PTPRN2: variants seen among roughly 807,000 people sequenced by gnomAD.
The protein encoded by PTPRN2 is receptor-type tyrosine-protein phosphatase N2.
In PTPRN2, 74 loss-of-function variants were observed where a neutral mutation model predicts 118.8. That is an observed-to-expected ratio of 0.62 (90% CI 0.52 to 0.76). The LOEUF (loss-of-function observed/expected upper bound fraction) is 0.76. Ranked by LOEUF, PTPRN2 falls within the 30% of genes least tolerant of loss-of-function variation. The probability of loss-of-function intolerance (pLI) is 0.00; values close to 1 mark genes in which losing one functional copy is unlikely to be tolerated. For missense variants in PTPRN2, 1,481 were observed against 1,394.4 expected, an observed-to-expected ratio of 1.06 and a Z score of -0.99; for synonymous variants, 641 against 608.0, an observed-to-expected ratio of 1.05 and a Z score of -0.80.
rs910229775 is a variant in PTPRN2, at chr7:157,610,315, G to A, written c.2345-6240C>T. On this transcript the variant is annotated intron_variant, in intron 15 of 22. Coordinates refer to ENST00000389418, the MANE Select transcript of PTPRN2 (RefSeq NM_002847.5). This position sits in a 1 kb window ranked among gnomAD's most constrained non-coding sequence, Gnocchi z 5.1. The stretch of plus-strand genomic sequence containing the variant: ...CTCAGGGGTCTCAGGTGTTCTCTCG[G>A]GCTCTCCAACTGCCTCTGCTTTCTG... 1.6e-4 allele frequency among the ~76,000 whole-genome samples: 24 copies of A among 152,176 alleles called. No individual in the cohort carries two copies. Among genetic ancestry groups the A allele is most frequent in the African/African-American group, 5.8e-4 (24 of 41,434 alleles).
intron 11 of PTPRN2, among the ~76,000 whole-genome samples, chr7:157,942,527 C>G (rs966331115): frequency 6.6e-6 from 1 of 152,032 alleles, no homozygotes; most frequent in Non-Finnish European, 1.5e-5. Flanking sequence ...CAAATGAGTT[C>G]TTTTTCAGAT....
At chr7:157,568,857 A>AT in intron 21 of PTPRN2, 45 bp downstream of exon 21, 1 of 1,520,910 alleles carries the variant, frequency 6.6e-7, no homozygotes, top group Non-Finnish European at 9.1e-7. Context: ...TAGCGACGCC[A>AT]TCCCAGCTCT....
At chr7:157,760,150 C>T (rs1207375981) in intron 12 of PTPRN2, among the ~76,000 whole-genome samples, 1 of 152,174 alleles carries the variant, frequency 6.6e-6, no homozygotes, top group African/African-American at 2.4e-5. Context: ...CCCCACATCA[C>T]CCACTGAATC....
At chr7:158,212,470 G>T (rs1263047592) in intron 3 of PTPRN2, among the ~76,000 whole-genome samples, 1 of 152,096 alleles carries the variant, frequency 6.6e-6, no homozygotes, top group Non-Finnish European at 1.5e-5. Context: ...TGCATTGTAT[G>T]CCTGTATCAA....
At chr7:157,774,064 G>C (rs1230942321) in intron 12 of PTPRN2, among the ~76,000 whole-genome samples, 1 of 152,244 alleles carries the variant, frequency 6.6e-6, no homozygotes, top group Non-Finnish European at 1.5e-5. Flanking sequence ...AGCCTAGAAT[G>C]AGGTTAGTAT....
chr7:158,186,102 A>G (rs1449419283), intron 5 of PTPRN2, among the ~76,000 whole-genome samples: 1 of 152,188 alleles, frequency 6.6e-6, no homozygotes, highest in Non-Finnish European at 1.5e-5. Context: ...CTCGCTTTGC[A>G]CAGCCTGTCT....
At chr7:158,229,030 C>T (rs188362600) in intron 3 of PTPRN2, among the ~76,000 whole-genome samples, 1 of 152,098 alleles carries the variant, frequency 6.6e-6, no homozygotes, top group Non-Finnish European at 1.5e-5. Context: ...CCCCTCAGCA[C>T]GAGGCCCCAG....
intron 11 of PTPRN2, among the ~76,000 whole-genome samples, chr7:158,065,915 GT>G (rs139595713): frequency 0.013 from 1,988 of 152,298 alleles, 27 homozygotes; most frequent in East Asian, 0.076. Context: ...TGAAGAAAAT[GT>G]TTTTAAAAGG....
At chr7:158,047,937 C>T (rs995811708) in intron 11 of PTPRN2, among the ~76,000 whole-genome samples, 3 of 152,086 alleles carry the variant, frequency 2.0e-5, no homozygotes, top group Non-Finnish European at 2.9e-5. Flanking sequence ...GTAGGAGTAC[C>T]GAGCACATGG....
chr7:157,572,613 CCT>C (rs775780468), intron 19 of PTPRN2, among the ~76,000 whole-genome samples: 1 of 152,216 alleles, frequency 6.6e-6, no homozygotes, highest in African/African-American at 2.4e-5. Context: ...GCTTTCTCCT[CCT>C]CTCTTCCTAT....
At position 157,611,258 on chromosome 7, in the gene PTPRN2, G is replaced by A. The variant is rs191843180; in HGVS notation, c.2345-7183C>T. On this transcript the variant is annotated intron_variant, in intron 15 of 22. Transcript: ENST00000389418. This position sits in a 1 kb window ranked among gnomAD's most constrained non-coding sequence, Gnocchi z 5.9. ...CAGAAAGTCGCCCCCCAATGGGATC[G>A]GAAGCATGTTGGGCAGGTGACCTGG... Among the ~76,000 whole-genome samples the A allele has an allele frequency of 1.6e-4, 24 of 152,246 alleles. No homozygotes were observed. The highest frequency in any genetic ancestry group is 4.6e-4 in the African/African-American group (19 of 41,570).
At chr7:158,334,490 C>A (rs1269218508) in intron 2 of PTPRN2, among the ~76,000 whole-genome samples, 1 of 101,700 alleles carries the variant, frequency 9.8e-6, no homozygotes, top group Admixed American at 1.0e-4. Context: ...CCACACACGT[C>A]ACTCACACCC....
chr7:157,688,576 G>A (rs1797308038), intron 12 of PTPRN2, among the ~76,000 whole-genome samples: 1 of 152,222 alleles, frequency 6.6e-6, no homozygotes, highest in South Asian at 2.1e-4. Flanking sequence ...CTGGTCCCCA[G>A]GCCTGCCTGG....
chr7:158,404,148 G>A (rs554749860), intron 2 of PTPRN2, among the ~76,000 whole-genome samples: 4 of 152,242 alleles, frequency 2.6e-5, no homozygotes, highest in South Asian at 2.1e-4. Context: ...TACAAACATC[G>A]CTTAATCAGG....
At position 158,407,169 on chromosome 7, in the gene PTPRN2, CTG is replaced by C. The variant is rs1219769777; in HGVS notation, c.163+82564_163+82565del. Among the ~76,000 whole-genome samples, 131 of 87,370 alleles carry C rather than the reference CTG, an allele frequency of 1.5e-3. 8 individuals are homozygous for C. Among genetic ancestry groups the C allele is most frequent in the Middle Eastern group, 5.7e-3 (1 of 174 alleles). The allele number at this position is 87,370 out of a possible 152,430, so 57.3% of individuals were successfully genotyped here. ...CGTCCTGGGTCCTGGGTCCTGGGTC[CTG>C]CGTCCTGCGTCCTGGGTCCTGGGTC... is the stretch of plus-strand genomic sequence containing the variant. On this transcript the variant is annotated intron_variant, in intron 2 of 22. Coordinates refer to ENST00000389418, the MANE Select transcript of PTPRN2 (RefSeq NM_002847.5).
chr7:157,631,877 G>A (rs1803984588), intron 14 of PTPRN2, among the ~76,000 whole-genome samples: 1 of 151,160 alleles, frequency 6.6e-6, no homozygotes, highest in South Asian at 2.1e-4. Context: ...CTTCAGATAA[G>A]GCTGTCAAGA....
At chr7:157,851,459 AT>A (rs1809269667) in intron 12 of PTPRN2, among the ~76,000 whole-genome samples, 1 of 152,188 alleles carries the variant, frequency 6.6e-6, no homozygotes, top group Admixed American at 6.5e-5. Flanking sequence ...CTCCTGGTGC[AT>A]GGAACAGCGA....
At chr7:158,122,660 A>T (rs1411185867) in intron 9 of PTPRN2, among the ~76,000 whole-genome samples, 1 of 152,244 alleles carries the variant, frequency 6.6e-6, no homozygotes, top group East Asian at 1.9e-4. Flanking sequence ...CCCCTGAGGA[A>T]CACACTATTA....
In PTPRN2 at chr7:158,110,956, C is replaced by A. The variant is rs370757496; in HGVS notation, c.1557-41G>T. ...GGGATGGGGAGCAGTCACCACAGAG[C>A]CAGCAGTCCTGGAGAACTAAAGCCC... is the stretch of plus-strand genomic sequence containing the variant. On this transcript the variant is annotated intron_variant, in intron 9 of 22. Transcript: ENST00000389418. 3.3e-5 allele frequency: 49 copies of A among 1,504,508 alleles called. No individual in the cohort carries two copies. In the African/African-American group the frequency reaches 6.1e-4, roughly 19 times the overall value. 93.2% of individuals were successfully genotyped at this position (1,504,508 alleles called of 1,614,324 possible).
Sources: gnomAD v4.1 joint callset for allele counts (sites outside exome capture counted in the v4.1 genomes callset) on GRCh38, gnomAD v4.1.1 for gene constraint, Gnocchi (gnomAD v3.1) non-coding constraint, MANE v1.5 for transcripts, NCBI Gene and HGNC (gene_info 2026-07-23, HGNC 2026-07-21) for gene names.